Variants in NUP210L observed in about 807,000 individuals in gnomAD.
NUP210L encodes the protein nuclear pore membrane glycoprotein 210-like.
NUP210L carries 74 observed loss-of-function variants against 208.5 expected under a neutral mutation model. The ratio of observed to expected loss-of-function variants is 0.35; its 90% CI spans 0.29 to 0.43. The LOEUF (loss-of-function observed/expected upper bound fraction) is 0.43, where lower values mean the gene tolerates loss of function less well. Ranked by LOEUF, NUP210L falls within the 20% of genes least tolerant of loss-of-function variation. The pLI is 1.00. For synonymous variants in NUP210L, 780 were observed against 816.9 expected (o/e 0.95, Z 0.77); for missense variants, 1,843 against 2,289.4 (o/e 0.81, Z 3.98).
exon 39 of NUP210L, chr1:153,993,082 A>G (rs1571139119): frequency 1.2e-6 from 2 of 1,612,422 alleles, no homozygotes; most frequent in Non-Finnish European, 1.7e-6. Context: ...TTAGGAAGGC[A>G]TTGTATGCTG....
chr1:154,119,100 A>C (rs1657482216), intron 10 of NUP210L, among the ~76,000 whole-genome samples: 1 of 152,180 alleles, frequency 6.6e-6, no homozygotes, highest in African/African-American at 2.4e-5. Context: ...TTTTTAAAAA[A>C]TCAACATAGT....
chr1:154,129,163 T>G, intron 8 of NUP210L, 114 bp downstream of exon 8: 1 of 622,030 alleles, frequency 1.6e-6, no homozygotes, highest in South Asian at 2.3e-5. Context: ...AAGGTTGAAT[T>G]TGAAATTAAG....
intron 12 of NUP210L, among the ~76,000 whole-genome samples, chr1:154,112,160 C>A (rs1657074766): frequency 6.8e-6 from 1 of 147,880 alleles, no homozygotes; most frequent in South Asian, 2.1e-4. Flanking sequence ...ATCTCTTGAC[C>A]TTGTGATCTG....
exon 9 of NUP210L, chr1:154,127,357 G>T: frequency 6.2e-7 from 1 of 1,607,494 alleles, no homozygotes; most frequent in Non-Finnish European, 8.5e-7. Flanking sequence ...GACGTCTACT[G>T]TAATGACATA....
chr1:154,056,311 CA>C (rs772603316), intron 23 of NUP210L, among the ~76,000 whole-genome samples: 1 of 152,040 alleles, frequency 6.6e-6, no homozygotes, highest in Non-Finnish European at 1.5e-5. Flanking sequence ...TGCACCACTA[CA>C]CATGTTTTTC....
At chr1:154,083,701 A>G (rs1380748694) in intron 16 of NUP210L, among the ~76,000 whole-genome samples, 1 of 152,098 alleles carries the variant, frequency 6.6e-6, no homozygotes, top group Non-Finnish European at 1.5e-5. Context: ...CATATTTTTC[A>G]TGAAACAGAA....
At chr1:154,006,867 C>T (rs1401836974) in intron 35 of NUP210L, among the ~76,000 whole-genome samples, 1 of 130,738 alleles carries the variant, frequency 7.6e-6, no homozygotes, top group Non-Finnish European at 1.6e-5. Flanking sequence ...TATACATATA[C>T]ATACACACAC....
At chr1:154,016,231 G>A (rs1651239899) in intron 33 of NUP210L, among the ~76,000 whole-genome samples, 1 of 151,832 alleles carries the variant, frequency 6.6e-6, no homozygotes, top group African/African-American at 2.4e-5. Context: ...ATTCCAGCCT[G>A]GGCAACAGTG....
intron 37 of NUP210L, chr1:153,995,805 C>CCT: frequency 1.6e-6 from 1 of 639,278 alleles, no homozygotes; most frequent in South Asian, 1.4e-5. Context: ...GGATTCGTGC[C>CCT]GTAAAACCTG....
chr1:153,996,310 A>G (rs1352063234), intron 37 of NUP210L, among the ~76,000 whole-genome samples: 1 of 152,110 alleles, frequency 6.6e-6, no homozygotes, highest in Non-Finnish European at 1.5e-5. Flanking sequence ...CAAAACAAAC[A>G]AAAACATGCT....
chr1:154,153,432 C>T (rs1387683093), intron 1 of NUP210L, among the ~76,000 whole-genome samples: 16 of 152,180 alleles, frequency 1.1e-4, no homozygotes, highest in Non-Finnish European at 2.1e-4. Flanking sequence ...GCCTCAGCCT[C>T]TCGAGTAGCT....
At chr1:154,098,789 C>G (rs567783169) in intron 14 of NUP210L, among the ~76,000 whole-genome samples, 1 of 152,258 alleles carries the variant, frequency 6.6e-6, no homozygotes, top group Non-Finnish European at 1.5e-5. Context: ...TCAGGCCCTA[C>G]CTGGCCTGAA....
intron 30 of NUP210L, among the ~76,000 whole-genome samples, chr1:154,023,949 G>A (rs564245058): frequency 2.6e-5 from 4 of 151,616 alleles, no homozygotes; most frequent in Admixed American, 6.6e-5. Flanking sequence ...CACAATGCCC[G>A]GCTAATTTTT....
chr1:154,058,613 G>A (rs1424250737), exon 21 of NUP210L: 4 of 1,614,022 alleles, frequency 2.5e-6, no homozygotes, highest in South Asian at 1.1e-5. Flanking sequence ...ACACCCTGAG[G>A]TGGGCTGTTG....
intron 16 of NUP210L, among the ~76,000 whole-genome samples, chr1:154,072,375 C>T (rs543781525): frequency 6.9e-6 from 1 of 144,224 alleles, no homozygotes; most frequent in Non-Finnish European, 1.5e-5. Context: ...CTCTGTTGCC[C>T]AGGCTAGAGT....
chr1:154,069,703 A>G (rs191542025), intron 17 of NUP210L, among the ~76,000 whole-genome samples: 141 of 152,360 alleles, frequency 9.3e-4, no homozygotes, highest in African/African-American at 3.1e-3. Context: ...ATTACTGGGT[A>G]TATACCCAAA....
intron 16 of NUP210L, among the ~76,000 whole-genome samples, chr1:154,072,359 G>T (rs1654788386): frequency 2.6e-5 from 3 of 115,472 alleles, no homozygotes; most frequent in Admixed American, 1.1e-4. Context: ...TTGAGACGGA[G>T]TCTCGCTCTG....
intron 10 of NUP210L, among the ~76,000 whole-genome samples, chr1:154,125,229 C>T (rs1268350907): frequency 6.6e-6 from 1 of 151,830 alleles, no homozygotes; most frequent in African/African-American, 2.4e-5. Flanking sequence ...GCGGGTGAAT[C>T]ACTTGAGGTC....
chr1:154,067,991 A>G (rs1654502053), intron 17 of NUP210L, among the ~76,000 whole-genome samples: 1 of 152,336 alleles, frequency 6.6e-6, no homozygotes, highest in East Asian at 1.9e-4. Flanking sequence ...GGATAGGAAG[A>G]ATCAATATCA....
Sources: gnomAD v4.1 joint callset for allele counts (sites outside exome capture counted in the v4.1 genomes callset) on GRCh38, gnomAD v4.1.1 for gene constraint, MANE v1.5 for transcripts, NCBI Gene and HGNC (gene_info 2026-07-23, HGNC 2026-07-21) for gene names.